Variants in CEP250 observed in about 807,000 individuals in gnomAD.
The protein encoded by CEP250 is centrosomal protein 250.
A neutral mutation model predicts 315.7 loss-of-function variants in CEP250; 242 were observed. The ratio of observed to expected loss-of-function variants is 0.77; its 90% CI spans 0.69 to 0.85. The LOEUF (loss-of-function observed/expected upper bound fraction) is 0.85, where lower values mean the gene tolerates loss of function less well. Among genes scored for constraint, CEP250 ranks in the 40% least tolerant of loss-of-function variants. The probability of loss-of-function intolerance (pLI) is 0.00; values close to 1 mark genes in which losing one functional copy is unlikely to be tolerated. For synonymous variants in CEP250, 1,088 were observed against 1,175.0 expected, an observed-to-expected ratio of 0.93 and a Z score of 1.51; for missense variants, 2,515 against 2,886.4, an observed-to-expected ratio of 0.87 and a Z score of 2.95.
chr20:35,469,848 C>A, intron 9 of CEP250, 42 bp from the exon 10 acceptor site: 1 of 1,377,544 alleles, frequency 7.3e-7, no homozygotes, highest in Non-Finnish European at 1.0e-6. Context: ...CTGTCCACAT[C>A]CATGGGCTGT....
intron 21 of CEP250, 41 bp downstream of exon 21, chr20:35,490,845 G>A (rs781394918): frequency 9.4e-6 from 15 of 1,602,892 alleles, no homozygotes; most frequent in Middle Eastern, 2.2e-4. Flanking sequence ...TCCAGTCAGC[G>A]ATCTCCTTAC....
At chr20:35,497,652 G>T in intron 25 of CEP250, 67 bp from the exon 26 acceptor site, 1 of 1,138,520 alleles carries the variant, frequency 8.8e-7, no homozygotes, top group Non-Finnish European at 1.2e-6. Context: ...GTGGGGTCTG[G>T]CCTGGGAAGG....
chr20:35,507,942 G>A (rs1002178309), intron 31 of CEP250, 91 bp downstream of exon 31: 10 of 1,600,112 alleles, frequency 6.2e-6, no homozygotes, highest in African/African-American at 2.7e-5. Flanking sequence ...GGTTCCTGAA[G>A]CTTAAACCTG....
Position 35,479,938 on chromosome 20 carries a change from G to A in CEP250, c.2417-38G>A, listed in dbSNP as rs760282948. The A allele has an allele frequency of 2.5e-6, 4 of 1,606,748 alleles. No individual in the cohort carries two copies. In the Admixed American group the frequency reaches 5.0e-5, roughly 20 times the overall value. Reference sequence around the variant, plus strand: ...GAGGGAGAATTTTATTAGGTAAAAGGAGGGGGCGGAGGCCTGATCCTGTCC... The same window carrying A: ...GAGGGAGAATTTTATTAGGTAAAAGAAGGGGGCGGAGGCCTGATCCTGTCC... On this transcript the variant is annotated intron_variant, in intron 19 of 34. Coordinates refer to ENST00000397527, the MANE Select transcript of CEP250 (RefSeq NM_007186.6).
intron 30 of CEP250, among the ~76,000 whole-genome samples, chr20:35,505,621 C>T (rs188344656): frequency 5.8e-5 from 8 of 138,194 alleles, no homozygotes; most frequent in African/African-American, 1.3e-4. Flanking sequence ...CCATTGCACT[C>T]GAGCCTGGGC....
At position 35,479,292 on chromosome 20, in the gene CEP250, G is replaced by T. The variant is rs748499812; in HGVS notation, c.2156G>T (p.Arg719Leu). 6.2e-7 allele frequency: 1 copy of T among 1,614,066 alleles called. No individual in the cohort carries two copies. The highest frequency in any genetic ancestry group is 1.3e-5 in the African/African-American group (1 of 74,922). ...GAGCAGCTACATCAGGAGGCAAAGC[G>T]ACAGGAAGAAGTGCTTGCCAGGGCA... is the stretch of plus-strand genomic sequence containing the variant. ...QLEQLHQEAK[R>L]QEEVLARAVQ... The change falls in exon 18 of 35, where the codon CGA becomes CTA. Residue 719 changes from arginine to leucine, a missense_variant. Transcript: ENST00000397527.
Position 35,510,017 on chromosome 20 carries a change from A to G in CEP250, c.7028A>G (p.Asn2343Ser), listed in dbSNP as rs181580570. 1.2e-6 allele frequency: 2 copies of G among 1,614,178 alleles called. No individual in the cohort carries two copies. The highest frequency in any genetic ancestry group is 3.3e-5 in the Admixed American group (2 of 60,028). ...CCTTAGGATGGGAGAGGACAGAAGA[A>G]CTCAGATGCCAAGTGTGTGGCTGAA... ...PTQQDGRGQKNSDAKCVAELQ... is the reference protein window; with the variant it reads ...PTQQDGRGQKSSDAKCVAELQ... Residue 2343 changes from asparagine to serine, a missense_variant, in exon 34 of 35, where the codon AAC becomes AGC. Transcript: ENST00000397527.
At position 35,500,094 on chromosome 20, in the gene CEP250, GATACT is replaced by G; in HGVS notation, c.3824_3828del (p.Asp1275GlyfsTer3). 6.2e-7 allele frequency: 1 copy of G among 1,614,088 alleles called. No homozygotes were observed. The highest frequency in any genetic ancestry group is 2.2e-5 in the East Asian group (1 of 44,884). ...CCAGAAACTGGAAGAGCGTCTAACT[GATACT>G]GAGGCTGAGAAGAGCCAGGTCCACA... On this transcript the variant is annotated frameshift_variant, in exon 28 of 35. Coordinates refer to ENST00000397527, the MANE Select transcript of CEP250 (RefSeq NM_007186.6). LOFTEE classifies it high-confidence loss of function.
At chr20:35,498,822 G>A in intron 27 of CEP250, 106 bp downstream of exon 27, 3 of 1,349,596 alleles carry the variant, frequency 2.2e-6, no homozygotes, top group Non-Finnish European at 3.0e-6. Context: ...GATCAAGTTG[G>A]GATGAGTTTC....
In CEP250 at chr20:35,517,320, A is replaced by C. The variant is rs998571747; in HGVS notation, c.*5694A>C. On this transcript the variant is annotated 3_prime_UTR_variant, in exon 35 of 35. Coordinates refer to ENST00000397527, the MANE Select transcript of CEP250 (RefSeq NM_007186.6). ...TCCAGCTGCCAAGGGAAGGCTTGGC[A>C]ATCAAGGGTGATGGAGATAAGAATG... 1.3e-5 allele frequency: 2 copies of C among 152,190 alleles called. No homozygotes were observed. Among genetic ancestry groups the C allele is most frequent in the Non-Finnish European group, 2.9e-5 (2 of 68,052 alleles). The allele number at this position is 152,190 out of a possible 1,614,324, so 9.4% of individuals were successfully genotyped here. A position where few individuals can be genotyped will look rare whatever the true frequency, so the allele number is the denominator to read the frequency against.
intron 10 of CEP250, among the ~76,000 whole-genome samples, chr20:35,471,346 A>G (rs986394879): frequency 2.0e-5 from 3 of 152,228 alleles, no homozygotes; most frequent in African/African-American, 7.2e-5. Flanking sequence ...ATTCAACTTC[A>G]GTAAATCGTT....
intron 20 of CEP250, among the ~76,000 whole-genome samples, chr20:35,484,887 T>C (rs532021154): frequency 6.6e-6 from 1 of 152,300 alleles, no homozygotes; most frequent in East Asian, 1.9e-4. Flanking sequence ...TATGTATAGA[T>C]ACTGAAATGA....
chr20:35,519,249 T>C lies in CEP250; in HGVS notation c.*7623T>C, dbSNP rs1282728422. 6.6e-6 allele frequency: 1 copy of C among 152,138 alleles called. No individual in the cohort carries two copies. Among genetic ancestry groups the C allele is most frequent in the South Asian group, 2.1e-4 (1 of 4,820 alleles). 9.4% of individuals were successfully genotyped at this position (152,138 alleles called of 1,614,324 possible). A position where few individuals can be genotyped will look rare whatever the true frequency, so the allele number is the denominator to read the frequency against. On this transcript the variant is annotated 3_prime_UTR_variant, in exon 35 of 35. Coordinates refer to ENST00000397527, the MANE Select transcript of CEP250 (RefSeq NM_007186.6). ...CTTTTAAATGGTAAATTTTGTGTAT[T>C]ATTTTGTCACAATAAAAAGTTTGAA... is the stretch of plus-strand genomic sequence containing the variant.
At chr20:35,479,180 C>A (rs2063265029) in intron 17 of CEP250, 51 bp from the exon 18 acceptor site, 1 of 1,566,696 alleles carries the variant, frequency 6.4e-7, no homozygotes, top group African/African-American at 1.4e-5. Context: ...TGGTAGCGGC[C>A]CCAGGGGAAT....
chr20:35,479,521 T>G, intron 18 of CEP250, 97 bp downstream of exon 18: 1 of 1,541,910 alleles, frequency 6.5e-7, no homozygotes, highest in South Asian at 1.2e-5. Context: ...GGTCCTAAAT[T>G]GATTATGAAT....
chr20:35,495,080 A>G (rs2063799593), intron 24 of CEP250, among the ~76,000 whole-genome samples: 1 of 152,256 alleles, frequency 6.6e-6, no homozygotes, highest in African/African-American at 2.4e-5. Context: ...AGCACTCAGC[A>G]TGAAGTGGAG....
At position 35,509,981 on chromosome 20, in the gene CEP250, C is replaced by T. The variant is rs2147226706; in HGVS notation, c.7009-17C>T. The T allele has an allele frequency of 6.2e-7, 1 of 1,613,092 alleles. No individual in the cohort carries two copies. Among genetic ancestry groups the T allele is most frequent in the Non-Finnish European group, 8.5e-7 (1 of 1,179,012 alleles). On this transcript the variant is annotated splice_polypyrimidine_tract_variant and intron_variant, in intron 33 of 34. Coordinates refer to ENST00000397527, the MANE Select transcript of CEP250 (RefSeq NM_007186.6). ...GGGAAGGCCTATGCCAACAAGAGTG[C>T]TGTTTGTCTTCCTTAGGATGGGAGA...
intron 22 of CEP250, 111 bp downstream of exon 22, chr20:35,491,457 C>T (rs1255829918): frequency 8.5e-7 from 1 of 1,183,200 alleles, no homozygotes; most frequent in Non-Finnish European, 1.2e-6. Flanking sequence ...TAGGTGCTGA[C>T]ATATGACAAG....
intron 20 of CEP250, among the ~76,000 whole-genome samples, chr20:35,490,230 T>C (rs2063646994): frequency 6.6e-6 from 1 of 151,920 alleles, no homozygotes; most frequent in Non-Finnish European, 1.5e-5. Context: ...GGAGAATCAC[T>C]TGAACCTGAA....
Sources: gnomAD v4.1 joint callset for allele counts (sites outside exome capture counted in the v4.1 genomes callset) on GRCh38, gnomAD v4.1.1 for gene constraint, MANE v1.5 for transcripts, NCBI Gene and HGNC (gene_info 2026-07-23, HGNC 2026-07-21) for gene names.